The following GJC2 variants were observed in gnomAD, a reference collection of about 807,000 sequenced individuals.
GJC2 encodes the protein gap junction gamma-2 protein.
For missense variants in GJC2, 647 were observed against 648.9 expected (o/e 1.00, Z 0.03); for synonymous variants, 336 against 307.5 (o/e 1.09, Z -0.97).
intron 1 of GJC2, among the ~76,000 whole-genome samples, chr1:228,153,421 C>T (rs894263780): frequency 4.7e-5 from 7 of 150,348 alleles, no homozygotes; most frequent in Non-Finnish European, 8.9e-5. Flanking sequence ...GGGTCTGGCT[C>T]TGTCACCCAG....
At position 228,150,775 on chromosome 1, in the gene GJC2, C is replaced by T. The variant is rs548635144; in HGVS notation, c.-20+768C>T. ...CATCCCAGAGCTGGATGGCAGTGAG[C>T]CCAGGATTCCTGGCTGCTGGGCGTT... On this transcript the variant is annotated intron_variant, in intron 1 of 1. Coordinates refer to ENST00000366714, the MANE Select transcript of GJC2 (RefSeq NM_020435.4). The surrounding 1 kb of genome is among the most constrained non-coding windows in gnomAD (Gnocchi z 4.6). Among the ~76,000 whole-genome samples, 8 of 152,232 alleles carry T rather than the reference C, an allele frequency of 5.3e-5. No homozygotes were observed. Among genetic ancestry groups the T allele is most frequent in the African/African-American group, 1.4e-4 (6 of 41,550 alleles).
At position 228,150,369 on chromosome 1, in the gene GJC2, A is replaced by G. The variant is rs532591534; in HGVS notation, c.-20+362A>G. Among the ~76,000 whole-genome samples, 4 of 152,226 alleles carry G rather than the reference A, an allele frequency of 2.6e-5. No individual in the cohort carries two copies. In the East Asian group the frequency reaches 7.7e-4, roughly 29 times the overall value. ...AGGTAGTGATAGGGCTGGCCTCTGA[A>G]ACACCAGCCAGCTGCATTGTGTCCA... On this transcript the variant is annotated intron_variant, in intron 1 of 1. Coordinates refer to ENST00000366714, the MANE Select transcript of GJC2 (RefSeq NM_020435.4). The surrounding 1 kb of genome is among the most constrained non-coding windows in gnomAD (Gnocchi z 4.6).
Position 228,158,210 on chromosome 1 carries a change from G to A in GJC2, c.452G>A (p.Gly151Asp). 6.7e-7 allele frequency: 1 copy of A among 1,489,608 alleles called. No individual in the cohort carries two copies. Among genetic ancestry groups the A allele is most frequent in the Non-Finnish European group, 8.9e-7 (1 of 1,123,724 alleles). The allele number at this position is 1,489,608 out of a possible 1,614,324, so 92.3% of individuals were successfully genotyped here. A position where few individuals can be genotyped will look rare whatever the true frequency, so the allele number is the denominator to read the frequency against. The change falls in exon 2 of 2, where the codon GGC (glycine) becomes GAC (aspartate). Residue 151 changes from glycine to aspartate, a missense_variant. Gly to Asp is a moderately conservative substitution (Grantham distance 94). Transcript: ENST00000366714. The surrounding 1 kb of genome is among the most constrained non-coding windows in gnomAD (Gnocchi z 8.3). Reference protein sequence around the residue: ...LGEEEPMLGLGEEEEEEETGA... With the variant: ...LGEEEPMLGLDEEEEEEETGA... ...GAGGAGGAGCCCATGCTGGGCCTGG[G>A]CGAGGAGGAGGAGGAGGAGGAGACG...
chr1:228,153,649 C>G (rs1441073085), intron 1 of GJC2, among the ~76,000 whole-genome samples: 1 of 142,920 alleles, frequency 7.0e-6, no homozygotes, highest in Admixed American at 7.3e-5. Context: ...GTGGTGCAAT[C>G]TCGGCTCACT....
chr1:228,157,741 A>ACCACC lies in GJC2; in HGVS notation c.-16_-15insACCCC. On this transcript the variant is annotated splice_region_variant and 5_prime_UTR_variant, in exon 2 of 2. Coordinates refer to ENST00000366714, the MANE Select transcript of GJC2 (RefSeq NM_020435.4). ...GCTGACCCCTACCCCGCCCCACAGG[A>ACCACC]CCCGCCCGCCCGCCCCTATGACCAA... The ACCACC allele has an allele frequency of 2.8e-6, 1 of 354,470 alleles. No individual in the cohort carries two copies. The highest frequency in any genetic ancestry group is 5.6e-6 in the Non-Finnish European group (1 of 177,092). The allele number at this position is 354,470 out of a possible 1,614,324, so 22.0% of individuals were successfully genotyped here.
chr1:228,152,443 G>A lies in GJC2; in HGVS notation c.-20+2436G>A, dbSNP rs547976714. On this transcript the variant is annotated intron_variant, in intron 1 of 1. Transcript: ENST00000366714. This position sits in a 1 kb window ranked among gnomAD's most constrained non-coding sequence, Gnocchi z 7.3. ...AGGAGCTTGATGGGGGAGGGGGCCC[G>A]GCTCTGACCGGTGTCCTGAGATACC... is the stretch of plus-strand genomic sequence containing the variant. 1.8e-4 allele frequency among the ~76,000 whole-genome samples: 28 copies of A among 152,134 alleles called. No individual in the cohort carries two copies. Among genetic ancestry groups the A allele is most frequent in the African/African-American group, 6.3e-4 (26 of 41,502 alleles).
chr1:228,156,437 G>A (rs1336557612), intron 1 of GJC2, among the ~76,000 whole-genome samples: 2 of 152,364 alleles, frequency 1.3e-5, no homozygotes, highest in African/African-American at 2.4e-5. Context: ...GCACGTGTGT[G>A]CATGTGTACA....
chr1:228,154,643 C>T (rs1005079666), intron 1 of GJC2, among the ~76,000 whole-genome samples: 35 of 152,226 alleles, frequency 2.3e-4, no homozygotes, highest in African/African-American at 8.4e-4. Context: ...CACAGAGGAG[C>T]TGTCTCCTGT....
Position 228,159,333 on chromosome 1 carries a change from G to A in GJC2, c.*255G>A. Reference sequence around the variant, plus strand: ...GCCCTCTGCTGTGGTCTGAACCCCAGGGGGAGTGGGGCATTGACTCCACCC... The same window carrying A: ...GCCCTCTGCTGTGGTCTGAACCCCAAGGGGAGTGGGGCATTGACTCCACCC... On this transcript the variant is annotated 3_prime_UTR_variant, in exon 2 of 2. Coordinates refer to ENST00000366714, the MANE Select transcript of GJC2 (RefSeq NM_020435.4). This position sits in a 1 kb window ranked among gnomAD's most constrained non-coding sequence, Gnocchi z 4.0. The A allele has an allele frequency of 3.7e-6, 2 of 543,886 alleles. No homozygotes were observed. Among genetic ancestry groups the A allele is most frequent in the Non-Finnish European group, 6.7e-6 (2 of 297,170 alleles). The allele number at this position is 543,886 out of a possible 1,614,324, so 33.7% of individuals were successfully genotyped here.
intron 1 of GJC2, among the ~76,000 whole-genome samples, chr1:228,155,481 G>T (rs1283301043): frequency 6.6e-6 from 1 of 152,198 alleles, no homozygotes; most frequent in Non-Finnish European, 1.5e-5. Flanking sequence ...GCTGGGATAG[G>T]GAAGCTGCTC....
chr1:228,158,414 C>T lies in GJC2; in HGVS notation c.656C>T (p.Ala219Val). 1.2e-6 allele frequency: 2 copies of T among 1,606,834 alleles called. No individual in the cohort carries two copies. Among genetic ancestry groups the T allele is most frequent in the Non-Finnish European group, 8.5e-7 (1 of 1,179,466 alleles). Residue 219 changes from alanine (A) to valine (V), a missense_variant, in exon 2 of 2, where the codon GCC (alanine) becomes GTC (valine). Physicochemically the swap from Ala to Val is moderately conservative, Grantham distance 64. Coordinates refer to ENST00000366714, the MANE Select transcript of GJC2 (RefSeq NM_020435.4). This position sits in a 1 kb window ranked among gnomAD's most constrained non-coding sequence, Gnocchi z 8.3. ...LMRVYVAQLV[A>V]RAAFEVAFLV... ...CGCGTGTACGTGGCCCAGCTGGTGGCCAGGGCAGCTTTCGAGGTGGCCTTC... is the reference window on the plus strand; with the variant it reads ...CGCGTGTACGTGGCCCAGCTGGTGGTCAGGGCAGCTTTCGAGGTGGCCTTC...
At position 228,157,790 on chromosome 1, in the gene GJC2, G is replaced by A. The variant is rs1034316227; in HGVS notation, c.32G>A (p.Arg11Gln). The change falls in exon 2 of 2, where the codon CGG becomes CAG. Residue 11 changes from arginine (R) to glutamine (Q), a missense_variant. By Grantham distance (43) the Arg-to-Gln change is conservative. Coordinates refer to ENST00000366714, the MANE Select transcript of GJC2 (RefSeq NM_020435.4). ...AACATGAGCTGGAGCTTCCTGACGC[G>A]GCTGCTGGAGGAGATCCACAACCAC... MTNMSWSFLT[R>Q]LLEEIHNHST... is the part of the protein sequence containing the mutation. 1.2e-5 allele frequency: 17 copies of A among 1,407,868 alleles called. No homozygotes were observed. The highest frequency in any genetic ancestry group is 1.5e-5 in the Non-Finnish European group (16 of 1,058,984). 87.2% of individuals were successfully genotyped at this position (1,407,868 alleles called of 1,614,324 possible).
At position 228,158,318 on chromosome 1, in the gene GJC2, AGGCGGCAGGGAC is replaced by A; in HGVS notation, c.561_572del (p.Lys187_Thr191delinsAsn). On this transcript the variant is annotated inframe_deletion, in exon 2 of 2. Coordinates refer to ENST00000366714, the MANE Select transcript of GJC2 (RefSeq NM_020435.4). This position sits in a 1 kb window ranked among gnomAD's most constrained non-coding sequence, Gnocchi z 8.3. ...ACTAAGGCGGTCGGCGCTGACGGCA[AGGCGGCAGGGAC>A]CCCGGGCCCGACCGGGCAACACGAT... 6.4e-7 allele frequency: 1 copy of A among 1,555,476 alleles called. No individual in the cohort carries two copies.
intron 1 of GJC2, among the ~76,000 whole-genome samples, chr1:228,154,053 C>T (rs2034651299): frequency 6.6e-6 from 1 of 152,138 alleles, no homozygotes; most frequent in African/African-American, 2.4e-5. Context: ...CCAGTTTCCC[C>T]GTTGCTGACG....
At position 228,158,175 on chromosome 1, in the gene GJC2, C is replaced by G. The variant is rs939165968; in HGVS notation, c.417C>G (p.Ala139=). Residue 139 remains alanine (A), a synonymous_variant, in exon 2 of 2, where the codon GCC becomes GCG. Transcript: ENST00000366714. This position sits in a 1 kb window ranked among gnomAD's most constrained non-coding sequence, Gnocchi z 8.3. ...CGCACGCCGGCTGGCCTGAGCCCGCCGACCTGGGCGAGGAGGAGCCCATGC... is the reference window on the plus strand; with the variant it reads ...CGCACGCCGGCTGGCCTGAGCCCGCGGACCTGGGCGAGGAGGAGCCCATGC... ...PPPHAGWPEP[A]DLGEEEPMLG... is the part of the protein sequence containing the mutation. 4 of 1,410,090 alleles carry G rather than the reference C, an allele frequency of 2.8e-6. No individual in the cohort carries two copies. Among genetic ancestry groups the G allele is most frequent in the Non-Finnish European group, 3.7e-6 (4 of 1,086,514 alleles). The allele number at this position is 1,410,090 out of a possible 1,614,324, so 87.3% of individuals were successfully genotyped here.
Position 228,158,885 on chromosome 1 carries a change from G to A in GJC2, c.1127G>A (p.Gly376Asp). The change falls in exon 2 of 2, where the codon GGC becomes GAC. Residue 376 changes from glycine (G) to aspartate (D), a missense_variant. By Grantham distance (94) the Gly-to-Asp change is moderately conservative. Transcript: ENST00000366714. This position sits in a 1 kb window ranked among gnomAD's most constrained non-coding sequence, Gnocchi z 8.3. ...DRDRDSSPCV[G>D]LPAASRGPPR... Reference sequence around the variant, plus strand: ...GACCGGGACAGTTCGCCGTGCGTCGGCCTCCCTGCGGCCTCCCGGGGGCCC... The same window carrying A: ...GACCGGGACAGTTCGCCGTGCGTCGACCTCCCTGCGGCCTCCCGGGGGCCC... The A allele has an allele frequency of 6.7e-7, 1 of 1,488,858 alleles. No individual in the cohort carries two copies. The highest frequency in any genetic ancestry group is 8.9e-7 in the Non-Finnish European group (1 of 1,128,080). 92.2% of individuals were successfully genotyped at this position (1,488,858 alleles called of 1,614,324 possible).
rs768454293 is a variant in GJC2, at chr1:228,159,093, G to C, written c.*15G>C. 5.0e-6 allele frequency: 8 copies of C among 1,608,690 alleles called. No individual in the cohort carries two copies. The highest frequency in any genetic ancestry group is 6.8e-6 in the Non-Finnish European group (8 of 1,178,858). The stretch of plus-strand genomic sequence containing the variant: ...TGTGGATCTGAGGGCGCTGGCTTGC[G>C]AGCTGGGCCAGGGAGGAGGAGGGTT... On this transcript the variant is annotated 3_prime_UTR_variant, in exon 2 of 2. Coordinates refer to ENST00000366714, the MANE Select transcript of GJC2 (RefSeq NM_020435.4). The surrounding 1 kb of genome is among the most constrained non-coding windows in gnomAD (Gnocchi z 4.0).
chr1:228,153,311 A>G (rs929321897), intron 1 of GJC2, among the ~76,000 whole-genome samples: 14 of 151,910 alleles, frequency 9.2e-5, no homozygotes, highest in African/African-American at 3.4e-4. Flanking sequence ...GCTTGAGGCC[A>G]GGAGATCAAG....
Position 228,158,994 on chromosome 1 carries a change from C to T in GJC2, c.1236C>T (p.His412=). The change falls in exon 2 of 2, where the codon CAC becomes CAT. Residue 412 remains histidine (H), a synonymous_variant. Transcript: ENST00000366714. This position sits in a 1 kb window ranked among gnomAD's most constrained non-coding sequence, Gnocchi z 8.3. ...GGGAGCAGGGCCGGCCCGGCACCCA[C>T]GAGCGGCCAGGAGCCAAGCCCAGGG... ...TVGEQGRPGT[H]ERPGAKPRAG... is the part of the protein sequence containing the mutation. The T allele has an allele frequency of 6.2e-7, 1 of 1,604,276 alleles. No individual in the cohort carries two copies. Among genetic ancestry groups the T allele is most frequent in the Middle Eastern group, 2.2e-4 (1 of 4,496 alleles).
Sources: allele counts gnomAD v4.1 joint callset (sites outside exome capture counted in the v4.1 genomes callset), GRCh38; gene constraint gnomAD v4.1.1; non-coding constraint Gnocchi (gnomAD v3.1); transcripts MANE v1.5; gene names NCBI Gene and HGNC (gene_info 2026-07-23, HGNC 2026-07-21).